SCARB2: variants seen among roughly 807,000 people sequenced by gnomAD.
The protein encoded by SCARB2 is lysosome membrane protein 2.
A neutral mutation model predicts 58.6 loss-of-function variants in SCARB2; 29 were observed. The ratio of observed to expected loss-of-function variants is 0.49; its 90% CI spans 0.37 to 0.67. SCARB2 has a LOEUF of 0.67. Ranked by LOEUF, SCARB2 falls within the 30% of genes least tolerant of loss-of-function variation. The probability of loss-of-function intolerance (pLI) is 0.00; values close to 1 mark genes in which losing one functional copy is unlikely to be tolerated. For synonymous variants in SCARB2, 195 were observed against 210.1 expected, an observed-to-expected ratio of 0.93 and a Z score of 0.62; for missense variants, 488 against 578.5, an observed-to-expected ratio of 0.84 and a Z score of 1.60.
At chr4:76,167,994 G>T (rs1732051525) in intron 9 of SCARB2, among the ~76,000 whole-genome samples, 1 of 152,052 alleles carries the variant, frequency 6.6e-6, no homozygotes, top group Non-Finnish European at 1.5e-5. Context: ...TTTCTTTATA[G>T]CAACACAAGA....
rs886041076 is a variant in SCARB2 at position 76,176,436 on chromosome 4, C to G, written c.704+1G>C. On this transcript the variant is annotated splice_donor_variant, in intron 5 of 11. Transcript: ENST00000264896. LOFTEE classifies it high-confidence loss of function. Reference sequence around the variant, plus strand: ...TTCCACTGATAAATCATTTGACTTACGTTTTCCCATTCCATTCCACAATTT... The same window carrying G: ...TTCCACTGATAAATCATTTGACTTAGGTTTTCCCATTCCATTCCACAATTT... 1 of 1,597,188 alleles carries G rather than the reference C, an allele frequency of 6.3e-7. No homozygotes were observed. The highest frequency in any genetic ancestry group is 8.6e-7 in the Non-Finnish European group (1 of 1,165,332).
At chr4:76,196,980 G>C (rs73826390) in intron 1 of SCARB2, among the ~76,000 whole-genome samples, 1 of 151,674 alleles carries the variant, frequency 6.6e-6, no homozygotes, top group African/African-American at 2.4e-5. Flanking sequence ...TAATAGGACC[G>C]GTGTCCTAAC....
Position 76,160,567 on chromosome 4 carries a change from A to G in SCARB2, c.*1146T>C, listed in dbSNP as rs1731874122. 6.6e-6 allele frequency: 1 copy of G among 152,218 alleles called. No individual in the cohort carries two copies. The highest frequency in any genetic ancestry group is 2.1e-4 in the South Asian group (1 of 4,834). 9.4% of individuals were successfully genotyped at this position (152,218 alleles called of 1,614,324 possible). On this transcript the variant is annotated 3_prime_UTR_variant, in exon 12 of 12. Coordinates refer to ENST00000264896, the MANE Select transcript of SCARB2 (RefSeq NM_005506.4). ...ATTCTGTCAGCAAAATGATTGTCAC[A>G]GGAAGTATAGGGCACACGTTTCTCT...
At chr4:76,173,688 A>C in intron 7 of SCARB2, 1 of 190,798 alleles carries the variant, frequency 5.2e-6, no homozygotes, top group Non-Finnish European at 1.1e-5. Context: ...TGCATTAACT[A>C]CATGTAAATA....
chr4:76,211,158 CT>C (rs1478545703), intron 1 of SCARB2, among the ~76,000 whole-genome samples: 1 of 152,156 alleles, frequency 6.6e-6, no homozygotes, highest in African/African-American at 2.4e-5. Flanking sequence ...GGTCCTGAAG[CT>C]TATACAATTT....
chr4:76,211,523 G>A (rs568129415), intron 1 of SCARB2, among the ~76,000 whole-genome samples: 1 of 152,306 alleles, frequency 6.6e-6, no homozygotes, highest in Admixed American at 6.5e-5. Context: ...ACACCTTAAG[G>A]TTATAAGAAT....
At chr4:76,175,978 A>G (rs1213645689) in intron 5 of SCARB2, 68 bp from the exon 6 acceptor site, 1 of 1,585,784 alleles carries the variant, frequency 6.3e-7, no homozygotes, top group African/African-American at 1.3e-5. Context: ...TTAAATGGTC[A>G]GGACTTTGCA....
intron 3 of SCARB2, chr4:76,180,704 C>T (rs1732364317): frequency 3.9e-6 from 1 of 259,700 alleles, no homozygotes; most frequent in African/African-American, 2.2e-5. Flanking sequence ...ATCCTGAACA[C>T]CCAGGAAGAA....
chr4:76,186,404 T>C (rs1732488152), intron 2 of SCARB2, among the ~76,000 whole-genome samples: 1 of 151,358 alleles, frequency 6.6e-6, no homozygotes. Context: ...GATGAACACA[T>C]CAACGTGAAA....
At chr4:76,163,172 T>C (rs1371115231) in intron 11 of SCARB2, 53 bp downstream of exon 11, 51 of 1,608,802 alleles carry the variant, frequency 3.2e-5, no homozygotes, top group Non-Finnish European at 4.3e-5. Context: ...TACAGTTGAA[T>C]TCCTCAGGTA....
chr4:76,200,726 C>T (rs1732812683), intron 1 of SCARB2, among the ~76,000 whole-genome samples: 1 of 152,184 alleles, frequency 6.6e-6, no homozygotes, highest in Admixed American at 6.5e-5. Flanking sequence ...AAAATTCCCC[C>T]ATCTAAACAT....
In SCARB2 at chr4:76,160,121, T is replaced by C. The variant is rs1284683052; in HGVS notation, c.*1592A>G. ...AATTGCCTCTTCAAGAGGGGAAATATATCACATATTGTTTTAGTGTAGAAA... is the reference window on the plus strand; with the variant it reads ...AATTGCCTCTTCAAGAGGGGAAATACATCACATATTGTTTTAGTGTAGAAA... On this transcript the variant is annotated 3_prime_UTR_variant, in exon 12 of 12. Coordinates refer to ENST00000264896, the MANE Select transcript of SCARB2 (RefSeq NM_005506.4). The C allele has an allele frequency of 2.6e-5, 4 of 152,300 alleles. No individual in the cohort carries two copies. The South Asian group carries it at 6.2e-4, about 24-fold the overall frequency. The allele number at this position is 152,300 out of a possible 1,614,324, so 9.4% of individuals were successfully genotyped here.
intron 1 of SCARB2, among the ~76,000 whole-genome samples, chr4:76,208,259 T>C (rs1732968113): frequency 6.6e-6 from 1 of 152,234 alleles, no homozygotes; most frequent in Admixed American, 6.5e-5. Context: ...AATGCACTCA[T>C]AGTCAACATG....
At chr4:76,187,635 T>C (rs1444589227) in intron 2 of SCARB2, among the ~76,000 whole-genome samples, 1 of 152,182 alleles carries the variant, frequency 6.6e-6, no homozygotes, top group Admixed American at 6.5e-5. Context: ...TACATGCATA[T>C]GTACATAGTA....
chr4:76,233,966 T>C (rs1464604450), intron 1 of SCARB2, among the ~76,000 whole-genome samples: 1 of 152,206 alleles, frequency 6.6e-6, no homozygotes, highest in East Asian at 1.9e-4. Flanking sequence ...AAAAAATGCC[T>C]GGGGAAGAAC....
Position 76,213,700 on chromosome 4 carries a change from G to C in SCARB2, c.-157C>G. ...GTTCGTGCGCGCAGCTCTGGGCTCC[G>C]CGGCCTGGCGAGCGCGGCCCCGGGT... On this transcript the variant is annotated 5_prime_UTR_variant, in exon 1 of 12. Coordinates refer to ENST00000264896, the MANE Select transcript of SCARB2 (RefSeq NM_005506.4). 2 of 561,928 alleles carry C rather than the reference G, an allele frequency of 3.6e-6. No homozygotes were observed. Among genetic ancestry groups the C allele is most frequent in the Non-Finnish European group, 3.0e-6 (1 of 329,638 alleles). 34.8% of individuals were successfully genotyped at this position (561,928 alleles called of 1,614,324 possible).
At position 76,193,424 on chromosome 4, in the gene SCARB2, A is replaced by G. The variant is rs1732645400; in HGVS notation, c.275+2283T>C. On this transcript the variant is annotated intron_variant, in intron 2 of 11. Coordinates refer to ENST00000264896, the MANE Select transcript of SCARB2 (RefSeq NM_005506.4). ...GGCACTGCCTAGTGGAGCTGTGGGA[A>G]GAAGGCCACCGTCCTTGAGACACCA... is the stretch of plus-strand genomic sequence containing the variant. 2.6e-5 allele frequency: 4 copies of G among 152,266 alleles called. No individual in the cohort carries two copies. The South Asian group carries it at 6.2e-4, about 24-fold the overall frequency. The allele number at this position is 152,266 out of a possible 1,614,324, so 9.4% of individuals were successfully genotyped here.
Position 76,179,704 on chromosome 4 carries a change from G to A in SCARB2, c.425C>T (p.Thr142Ile). Residue 142 changes from threonine (T) to isoleucine (I), a missense_variant and splice_region_variant, in exon 4 of 12, where the codon ACT becomes ATT. Thr to Ile is a moderately conservative substitution (Grantham distance 89). Transcript: ENST00000264896. Reference sequence around the variant, plus strand: ...GTGCACCTGGGACCACTCTATGACAGTCTGCGGAGCAGAGGTATATTAAGA... The same window carrying A: ...GTGCACCTGGGACCACTCTATGACAATCTGCGGAGCAGAGGTATATTAAGA... ...LIRTLNIPVL[T>I]VIEWSQVHFL... 1 of 1,612,720 alleles carries A rather than the reference G, an allele frequency of 6.2e-7. No individual in the cohort carries two copies. The highest frequency in any genetic ancestry group is 1.1e-5 in the South Asian group (1 of 91,062).
chr4:76,205,801 T>C (rs1284268373), intron 1 of SCARB2, among the ~76,000 whole-genome samples: 1 of 152,226 alleles, frequency 6.6e-6, no homozygotes, highest in Non-Finnish European at 1.5e-5. Context: ...GTTAAACACA[T>C]GATCCTCTCA....
Sources: gnomAD v4.1 joint callset for allele counts (sites outside exome capture counted in the v4.1 genomes callset) on GRCh38, gnomAD v4.1.1 for gene constraint, MANE v1.5 for transcripts, NCBI Gene and HGNC (gene_info 2026-07-23, HGNC 2026-07-21) for gene names.